Variants in HEATR5B observed in about 807,000 individuals in gnomAD.
HEATR5B encodes the protein HEAT repeat-containing protein 5B.
Under a neutral mutation model 224.1 loss-of-function variants are expected in HEATR5B, and 156 were observed. The observed-to-expected ratio is 0.70, with a 90% confidence interval of 0.61 to 0.80. The LOEUF is 0.80. HEATR5B is among the 30% of genes least tolerant of loss of function. The probability of loss-of-function intolerance (pLI) is 0.00; values close to 1 mark genes in which losing one functional copy is unlikely to be tolerated. For missense variants in HEATR5B, 2,323 were observed against 2,535.5 expected (o/e 0.92, Z 1.80); for synonymous variants, 1,027 against 893.0 (o/e 1.15, Z -2.68).
chr2:37,054,501 T>TTTTTA (rs397984316), intron 16 of HEATR5B, among the ~76,000 whole-genome samples: 1 of 112,214 alleles, frequency 8.9e-6, no homozygotes, highest in African/African-American at 3.6e-5. Context: ...TTTTTTTTTT[T>TTTTTA]GAGACTGAGT....
At chr2:37,023,740 C>T (rs1668602399) in intron 24 of HEATR5B, among the ~76,000 whole-genome samples, 1 of 151,936 alleles carries the variant, frequency 6.6e-6, no homozygotes, top group South Asian at 2.1e-4. Flanking sequence ...ATCACAGCAC[C>T]GCACTTACCT....
At chr2:37,008,896 A>C in intron 27 of HEATR5B, 48 bp from the exon 28 acceptor site, 1 of 1,124,212 alleles carries the variant, frequency 8.9e-7, no homozygotes, top group Non-Finnish European at 1.3e-6. Context: ...AAGATAAAAA[A>C]ATAAGATATT....
At chr2:36,994,532 T>A (rs1279673417) in intron 33 of HEATR5B, among the ~76,000 whole-genome samples, 1 of 152,192 alleles carries the variant, frequency 6.6e-6, no homozygotes, top group Non-Finnish European at 1.5e-5. Flanking sequence ...AATATGCCTG[T>A]GGCTTTGATC....
Position 37,062,002 on chromosome 2 carries a change from T to C in HEATR5B, c.1633A>G (p.Ser545Gly), listed in dbSNP as rs766003570. 5 of 1,614,014 alleles carry C rather than the reference T, an allele frequency of 3.1e-6. No individual in the cohort carries two copies. The highest frequency in any genetic ancestry group is 1.7e-5 in the Admixed American group (1 of 60,012). ...TGGGTGCGCTGTAAAGATAGCCTGC[T>C]ATTTTGGGCAGCAGTTCGTAAAAGA... ...EDLLRTAAQNSRLSLQRTQAG... is the reference protein window; with the variant it reads ...EDLLRTAAQNGRLSLQRTQAG... Residue 545 changes from serine to glycine, a missense_variant, in exon 11 of 36, where the codon AGC (serine) becomes GGC (glycine). Transcript: ENST00000233099.
chr2:37,023,684 G>A (rs1383172227), intron 24 of HEATR5B, among the ~76,000 whole-genome samples: 3 of 152,000 alleles, frequency 2.0e-5, no homozygotes, highest in African/African-American at 4.8e-5. Context: ...CAGGAAGATC[G>A]CTAAGATCGC....
chr2:37,060,951 A>G (rs758543061), intron 11 of HEATR5B, among the ~76,000 whole-genome samples: 21 of 152,224 alleles, frequency 1.4e-4, no homozygotes, highest in Non-Finnish European at 3.1e-4. Flanking sequence ...AGATCAAAGC[A>G]TAACAAAATT....
rs1180250199 is a variant in HEATR5B at position 37,029,533 on chromosome 2, G to A, written c.3362-613C>T. 2.0e-5 allele frequency among the ~76,000 whole-genome samples: 3 copies of A among 151,938 alleles called. No individual in the cohort carries two copies. In the East Asian group the frequency reaches 5.8e-4, roughly 29 times the overall value. On this transcript the variant is annotated intron_variant, in intron 22 of 35. Coordinates refer to ENST00000233099, the MANE Select transcript of HEATR5B (RefSeq NM_019024.3). ...ACAAAATTTAGCTGGGCATGGTGGC[G>A]GGTGTCTGTAATCCCAGCTACTCAG...
chr2:37,071,857 G>C (rs532839074), intron 6 of HEATR5B, among the ~76,000 whole-genome samples: 1 of 151,960 alleles, frequency 6.6e-6, no homozygotes, highest in Admixed American at 6.6e-5. Flanking sequence ...GCTAATTTTT[G>C]TATTTTCAGT....
intron 5 of HEATR5B, among the ~76,000 whole-genome samples, chr2:37,073,861 T>C (rs901762567): frequency 1.3e-5 from 2 of 152,152 alleles, no homozygotes; most frequent in Non-Finnish European, 2.9e-5. Flanking sequence ...TCAACACTTA[T>C]TACAAAGGAA....
rs1327962750 is a variant in HEATR5B, at chr2:37,019,806, T to G, written c.4104+3A>C. ...CTATACAAAGTCCCATTTTTCTTCTTACCTGGCAAGCTTTCGCTATTATAT... is the reference window on the plus strand; with the variant it reads ...CTATACAAAGTCCCATTTTTCTTCTGACCTGGCAAGCTTTCGCTATTATAT... On this transcript the variant is annotated splice_donor_region_variant and intron_variant, in intron 26 of 35. Transcript: ENST00000233099. 6.3e-7 allele frequency: 1 copy of G among 1,599,032 alleles called. No individual in the cohort carries two copies. Among genetic ancestry groups the G allele is most frequent in the Non-Finnish European group, 8.6e-7 (1 of 1,167,524 alleles).
intron 35 of HEATR5B, among the ~76,000 whole-genome samples, chr2:36,983,819 T>A (rs1665747633): frequency 6.6e-6 from 1 of 152,002 alleles, no homozygotes; most frequent in African/African-American, 2.4e-5. Flanking sequence ...ATCTTCAGTA[T>A]ATTGGCTTGC....
Position 37,076,992 on chromosome 2 carries a change from A to G in HEATR5B, c.366T>C (p.Phe122=). 6.2e-7 allele frequency: 1 copy of G among 1,614,106 alleles called. No homozygotes were observed. The highest frequency in any genetic ancestry group is 8.5e-7 in the Non-Finnish European group (1 of 1,179,978). ...CCAACATTCTCCCCATTTTTTCATAAAATGCTCCGACACAAGCCACCGCAG... is the reference window on the plus strand; with the variant it reads ...CCAACATTCTCCCCATTTTTTCATAGAATGCTCCGACACAAGCCACCGCAG... ...KLAAVACVGA[F]YEKMGRMLGS... The change falls in exon 4 of 36, where the codon TTT becomes TTC. Residue 122 remains phenylalanine, a synonymous_variant. Coordinates refer to ENST00000233099, the MANE Select transcript of HEATR5B (RefSeq NM_019024.3).
chr2:37,020,689 G>A lies in HEATR5B; in HGVS notation c.4001C>T (p.Pro1334Leu), dbSNP rs373712291. The change falls in exon 25 of 36, where the codon CCA (proline) becomes CTA (leucine). Residue 1334 changes from proline to leucine, a missense_variant. Transcript: ENST00000233099. ...KFASVPEPEF[P>L]GHVILEQYQA... ...ATACTGCTCCAGTATCACATGACCT[G>A]GAAATTCTGGCTCAGGCACAGACGC... 7.5e-6 allele frequency: 12 copies of A among 1,592,156 alleles called. No individual in the cohort carries two copies. Among genetic ancestry groups the A allele is most frequent in the Non-Finnish European group, 9.4e-6 (11 of 1,174,838 alleles).
rs1665562213 is a variant in HEATR5B, at chr2:36,981,291, A to T, written c.*199T>A. 2.2e-6 allele frequency: 1 copy of T among 445,398 alleles called. No individual in the cohort carries two copies. Among genetic ancestry groups the T allele is most frequent in the South Asian group, 5.5e-5 (1 of 18,332 alleles). The allele number at this position is 445,398 out of a possible 1,614,324, so 27.6% of individuals were successfully genotyped here. A position where few individuals can be genotyped will look rare whatever the true frequency, so the allele number is the denominator to read the frequency against. On this transcript the variant is annotated 3_prime_UTR_variant, in exon 36 of 36. Transcript: ENST00000233099. ...ACATTATTAGGAGGAAAATGAAAAC[A>T]TATTCACCACATGATAAAAAAAATC...
At chr2:37,044,133 C>T (rs1222072306) in intron 18 of HEATR5B, among the ~76,000 whole-genome samples, 2 of 152,138 alleles carry the variant, frequency 1.3e-5, no homozygotes, top group Non-Finnish European at 2.9e-5. Context: ...ATGTATTACA[C>T]ACTCACAGCG....
intron 32 of HEATR5B, 140 bp downstream of exon 32, chr2:37,002,166 A>C: frequency 1.1e-6 from 1 of 929,330 alleles, no homozygotes; most frequent in East Asian, 2.6e-5. Context: ...GGTAGACAAA[A>C]CCTTAAAAAA....
chr2:37,028,139 C>G lies in HEATR5B; in HGVS notation c.3637G>C (p.Asp1213His). The change falls in exon 24 of 36, where the codon GAT (aspartate) becomes CAT (histidine). Residue 1213 changes from aspartate to histidine, a missense_variant. This residue lies in a region of HEATR5B where 339 missense variants were observed against 378.4 expected (regional missense o/e 0.90). Coordinates refer to ENST00000233099, the MANE Select transcript of HEATR5B (RefSeq NM_019024.3). ...STATLLSSGKDEEAEKKDEMD... is the reference protein window; with the variant it reads ...STATLLSSGKHEEAEKKDEMD... ...TCATCTTTCTTTTCAGCTTCTTCAT[C>G]TTTTCCACTACTTAAGAGAGTTGCA... The G allele has an allele frequency of 6.2e-7, 1 of 1,608,758 alleles. No individual in the cohort carries two copies. The highest frequency in any genetic ancestry group is 8.5e-7 in the Non-Finnish European group (1 of 1,175,150).
intron 21 of HEATR5B, among the ~76,000 whole-genome samples, chr2:37,033,061 A>G (rs756483757): frequency 3.9e-5 from 6 of 151,914 alleles, no homozygotes; most frequent in Admixed American, 6.6e-5. Context: ...TTGTATTTTT[A>G]GTAGTGTCGG....
chr2:37,006,749 T>G (rs1324099206), intron 29 of HEATR5B, among the ~76,000 whole-genome samples: 1 of 152,242 alleles, frequency 6.6e-6, no homozygotes, highest in East Asian at 1.9e-4. Context: ...GATAATTGGT[T>G]AAGTGCCAAG....
Sources: allele counts gnomAD v4.1 joint callset (sites outside exome capture counted in the v4.1 genomes callset), GRCh38; gene constraint gnomAD v4.1.1; regional missense constraint gnomAD v4.1.1; transcripts MANE v1.5; gene names NCBI Gene and HGNC (gene_info 2026-07-23, HGNC 2026-07-21).